The following PLCE1 variants were observed in gnomAD, a reference collection of about 807,000 sequenced individuals.
PLCE1 encodes 1-phosphatidylinositol 4,5-bisphosphate phosphodiesterase epsilon-1.
In PLCE1, 119 loss-of-function variants were observed where a neutral mutation model predicts 242.8. The ratio of observed to expected loss-of-function variants is 0.49; its 90% CI spans 0.42 to 0.57. PLCE1 has a LOEUF of 0.57. PLCE1 is among the 20% of genes least tolerant of loss of function. PLCE1 has a pLI of 0.00. For synonymous variants in PLCE1, 945 were observed against 1,017.4 expected, an observed-to-expected ratio of 0.93 and a Z score of 1.35; for missense variants, 2,441 against 2,788.8, an observed-to-expected ratio of 0.88 and a Z score of 2.81.
At chr10:94,089,674 T>C (rs931930108) in intron 2 of PLCE1, among the ~76,000 whole-genome samples, 1 of 152,238 alleles carries the variant, frequency 6.6e-6, no homozygotes, top group Non-Finnish European at 1.5e-5. Context: ...GTTTATTAGA[T>C]GTTTGTTTTC....
At chr10:94,294,761 AG>A (rs2052751952) in intron 23 of PLCE1, among the ~76,000 whole-genome samples, 1 of 152,196 alleles carries the variant, frequency 6.6e-6, no homozygotes, top group South Asian at 2.1e-4. Context: ...CTGATTCATC[AG>A]GGGGGTGGTT....
At chr10:94,318,894 A>C (rs1301174256) in intron 29 of PLCE1, among the ~76,000 whole-genome samples, 1 of 152,168 alleles carries the variant, frequency 6.6e-6, no homozygotes, top group Admixed American at 6.5e-5. Flanking sequence ...CTAAAAATAC[A>C]AAAATTAGCA....
chr10:94,158,941 C>T (rs1358183312), intron 3 of PLCE1, among the ~76,000 whole-genome samples: 3 of 144,850 alleles, frequency 2.1e-5, no homozygotes, highest in Non-Finnish European at 4.5e-5. Flanking sequence ...ACCTCAACCT[C>T]CGCCTCCTGG....
chr10:94,003,411 G>A (rs2060969717), intron 1 of PLCE1, among the ~76,000 whole-genome samples: 1 of 152,194 alleles, frequency 6.6e-6, no homozygotes, highest in South Asian at 2.1e-4. Flanking sequence ...ACCTGCTCAT[G>A]TGTTCTATCA....
At chr10:94,115,347 T>A (rs1375310201) in intron 2 of PLCE1, among the ~76,000 whole-genome samples, 6 of 152,224 alleles carry the variant, frequency 3.9e-5, no homozygotes, top group Admixed American at 1.3e-4. Context: ...TGCCACACTG[T>A]CTTCCACAAT....
At chr10:94,139,467 G>A (rs1371039719) in intron 3 of PLCE1, 1 of 158,554 alleles carries the variant, frequency 6.3e-6, no homozygotes, top group African/African-American at 2.4e-5. Context: ...GGAGAAGCCA[G>A]AGGCCAAAGG....
intron 2 of PLCE1, among the ~76,000 whole-genome samples, chr10:94,048,341 G>C (rs928662760): frequency 6.6e-6 from 1 of 151,980 alleles, no homozygotes; most frequent in African/African-American, 2.4e-5. Context: ...AAATTTAGGA[G>C]ATAGTAGTAA....
At chr10:94,136,970 A>T (rs921472331) in intron 3 of PLCE1, among the ~76,000 whole-genome samples, 1 of 152,348 alleles carries the variant, frequency 6.6e-6, no homozygotes, top group South Asian at 2.1e-4. Flanking sequence ...AGGCGGGCAG[A>T]TCATGAGGTC....
At chr10:94,280,160 A>G in intron 20 of PLCE1, 1 of 528,934 alleles carries the variant, frequency 1.9e-6, no homozygotes, top group Non-Finnish European at 3.4e-6. Context: ...AAGTTTCTAG[A>G]GGAAGAGATG....
In PLCE1 at chr10:94,298,664, C is replaced by G. The variant is rs749474276; in HGVS notation, c.5453C>G (p.Thr1818Ser). The G allele has an allele frequency of 3.7e-6, 6 of 1,613,942 alleles. No homozygotes were observed. Among genetic ancestry groups the G allele is most frequent in the Non-Finnish European group, 3.4e-6 (4 of 1,179,942 alleles). Residue 1818 changes from threonine (T) to serine (S), a missense_variant, in exon 24 of 33, where the codon ACT becomes AGT. Thr to Ser is a moderately conservative substitution (Grantham distance 58). Transcript: ENST00000371380. The surrounding 1 kb of genome is among the most constrained non-coding windows in gnomAD (Gnocchi z 5.2). Reference protein sequence around the residue: ...GIQLVALNYQTDDLPLHLNAA... With the variant: ...GIQLVALNYQSDDLPLHLNAA... ...CAGCTTGTGGCACTCAACTACCAGA[C>G]TGATGGTAAGGGGCCTGCATGCTCA...
chr10:94,327,154 C>T (rs1418840943), intron 32 of PLCE1, among the ~76,000 whole-genome samples: 1 of 152,194 alleles, frequency 6.6e-6, no homozygotes, highest in Admixed American at 6.5e-5. Flanking sequence ...GAGCGAGACT[C>T]CGTCTCAAAA....
At chr10:94,162,071 A>G (rs1040088934) in intron 3 of PLCE1, among the ~76,000 whole-genome samples, 1 of 152,214 alleles carries the variant, frequency 6.6e-6, no homozygotes, top group African/African-American at 2.4e-5. Flanking sequence ...TATTTTATTG[A>G]GGATTTTTGC....
chr10:94,176,565 A>G (rs2048132412), intron 4 of PLCE1, among the ~76,000 whole-genome samples: 1 of 152,188 alleles, frequency 6.6e-6, no homozygotes, highest in South Asian at 2.1e-4. Flanking sequence ...AAATAAATGC[A>G]CTTTCCTCAG....
intron 4 of PLCE1, among the ~76,000 whole-genome samples, chr10:94,205,893 C>T (rs1433015867): frequency 1.3e-5 from 2 of 152,212 alleles, no homozygotes; most frequent in Non-Finnish European, 1.5e-5. Flanking sequence ...CTCTTTCAGT[C>T]ATTCTTTTAG....
intron 5 of PLCE1, among the ~76,000 whole-genome samples, chr10:94,232,894 C>T (rs1327545826): frequency 1.3e-5 from 2 of 152,182 alleles, no homozygotes; most frequent in African/African-American, 4.8e-5. Context: ...AGGCAAGAGT[C>T]ATGCACCAGT....
intron 4 of PLCE1, among the ~76,000 whole-genome samples, chr10:94,204,743 G>A (rs2049094274): frequency 7.4e-6 from 1 of 134,772 alleles, no homozygotes; most frequent in African/African-American, 2.9e-5. Flanking sequence ...AAAGAAGAAG[G>A]GAGGGAGGAA....
intron 5 of PLCE1, among the ~76,000 whole-genome samples, chr10:94,230,809 A>G (rs576921222): frequency 1.4e-4 from 21 of 151,384 alleles, no homozygotes; most frequent in South Asian, 1.0e-3. Context: ...GAGTCTTTCT[A>G]TGTTTCCCAG....
At chr10:94,103,385 A>C (rs2045611045) in intron 2 of PLCE1, among the ~76,000 whole-genome samples, 1 of 152,240 alleles carries the variant, frequency 6.6e-6, no homozygotes, top group African/African-American at 2.4e-5. Context: ...GGGGAGTGGC[A>C]GCAGCCCTCT....
At chr10:94,162,488 G>A (rs545294150) in intron 3 of PLCE1, among the ~76,000 whole-genome samples, 1 of 152,212 alleles carries the variant, frequency 6.6e-6, no homozygotes, top group Non-Finnish European at 1.5e-5. Context: ...TATTTCTGTG[G>A]GATCGGTGTG....
Sources: gnomAD v4.1 joint callset for allele counts (sites outside exome capture counted in the v4.1 genomes callset) on GRCh38, gnomAD v4.1.1 for gene constraint, Gnocchi (gnomAD v3.1) non-coding constraint, MANE v1.5 for transcripts, NCBI Gene and HGNC (gene_info 2026-07-23, HGNC 2026-07-21) for gene names.